The following ZNF438 variants were observed in gnomAD, a reference collection of about 807,000 sequenced individuals.
ZNF438 encodes zinc finger protein 438.
In ZNF438, 25 loss-of-function variants were observed where a neutral mutation model predicts 38.0. The observed-to-expected ratio is 0.66, with a 90% CI of 0.48 to 0.92. The LOEUF (loss-of-function observed/expected upper bound fraction) is 0.92, where lower values mean the gene tolerates loss of function less well. Ranked by LOEUF, ZNF438 falls within the 40% of genes least tolerant of loss-of-function variation. ZNF438 has a pLI of 0.00. For missense variants in ZNF438, 1,007 were observed against 999.6 expected, an observed-to-expected ratio of 1.01 and a Z score of -0.10; for synonymous variants, 372 against 364.1, an observed-to-expected ratio of 1.02 and a Z score of -0.25.
At chr10:30,948,698 C>G (rs1197009477) in intron 1 of ZNF438, among the ~76,000 whole-genome samples, 53 of 151,374 alleles carry the variant, frequency 3.5e-4, no homozygotes, top group South Asian at 3.1e-3. Context: ...GAAGTTTAGA[C>G]AAAAAAGAAT....
chr10:30,853,112 A>G (rs1429713515), intron 4 of ZNF438, among the ~76,000 whole-genome samples: 2 of 152,212 alleles, frequency 1.3e-5, no homozygotes, highest in Non-Finnish European at 2.9e-5. Context: ...ATTAACAGTA[A>G]TAATGTTCTT....
chr10:30,872,390 C>T lies in ZNF438; in HGVS notation c.37+4608G>A, dbSNP rs201418841. Among the ~76,000 whole-genome samples, 51 of 128,956 alleles carry T rather than the reference C, an allele frequency of 4.0e-4. No individual in the cohort carries two copies. In the East Asian group the frequency reaches 0.011, roughly 28 times the overall value. The allele number at this position is 128,956 out of a possible 152,430, so 84.6% of individuals were successfully genotyped here. ...GCAGTGAGCCGAGATTGCACCACTG[C>T]ACTCTAGCCTGGGTGACAGAACAAG... On this transcript the variant is annotated intron_variant, in intron 4 of 5. Transcript: ENST00000413025.
intron 3 of ZNF438, among the ~76,000 whole-genome samples, chr10:30,886,227 A>G (rs1281140165): frequency 6.6e-6 from 1 of 152,252 alleles, no homozygotes; most frequent in African/African-American, 2.4e-5. Context: ...TGAAAATGCC[A>G]CCTTTTTCTT....
At chr10:30,855,991 ATTTG>A (rs1247468209) in intron 4 of ZNF438, among the ~76,000 whole-genome samples, 1 of 152,206 alleles carries the variant, frequency 6.6e-6, no homozygotes, top group Non-Finnish European at 1.5e-5. Flanking sequence ...GCTTAGACAT[ATTTG>A]TTTAATGAAT....
At chr10:30,934,077 C>T (rs966803960) in intron 2 of ZNF438, among the ~76,000 whole-genome samples, 1 of 150,594 alleles carries the variant, frequency 6.6e-6, no homozygotes, top group Non-Finnish European at 1.5e-5. Flanking sequence ...ACCCGGGAGG[C>T]GGAGATTGCA....
intron 3 of ZNF438, among the ~76,000 whole-genome samples, chr10:30,895,689 C>A (rs557831690): frequency 6.6e-6 from 1 of 152,058 alleles, no homozygotes; most frequent in Non-Finnish European, 1.5e-5. Flanking sequence ...TTAAACAGAG[C>A]GAAGCATTTG....
At chr10:30,877,190 A>G (rs542444864) in intron 3 of ZNF438, 125 bp from the exon 5 acceptor site, 10 of 469,404 alleles carry the variant, frequency 2.1e-5, no homozygotes, top group African/African-American at 1.6e-4. Flanking sequence ...GTAATAAGAA[A>G]TGGATTGAGC....
intron 1 of ZNF438, among the ~76,000 whole-genome samples, chr10:31,027,776 C>T (rs1348214377): frequency 2.0e-5 from 3 of 152,044 alleles, no homozygotes; most frequent in Non-Finnish European, 2.9e-5. Flanking sequence ...TCTACATTTA[C>T]GTTAGTAGAG....
intron 1 of ZNF438, among the ~76,000 whole-genome samples, chr10:30,970,103 G>GAC (rs2050573344): frequency 9.9e-6 from 1 of 101,408 alleles, no homozygotes; most frequent in Admixed American, 1.1e-4. Flanking sequence ...AATGCTGGCT[G>GAC]ATACACACAC....
chr10:30,905,981 G>A (rs1330636872), intron 3 of ZNF438, among the ~76,000 whole-genome samples: 1 of 152,128 alleles, frequency 6.6e-6, no homozygotes, highest in East Asian at 1.9e-4. Flanking sequence ...AGTAAGTCTT[G>A]AAATTGAGAA....
exon 5 of ZNF438, chr10:30,850,210 T>C (rs2132764139): frequency 6.2e-7 from 1 of 1,613,976 alleles, no homozygotes; most frequent in South Asian, 1.1e-5. Context: ...TGATGGAGGG[T>C]CCCAGATTCA....
exon 5 of ZNF438, chr10:30,850,130 A>T: frequency 6.2e-7 from 1 of 1,614,062 alleles, no homozygotes; most frequent in Non-Finnish European, 8.5e-7. Flanking sequence ...AACAAGAGAA[A>T]ATGTCCCCTC....
intron 1 of ZNF438, among the ~76,000 whole-genome samples, chr10:30,958,533 A>C (rs1193593485): frequency 6.8e-6 from 1 of 146,848 alleles, no homozygotes; most frequent in East Asian, 1.9e-4. Flanking sequence ...CTACTTTTAT[A>C]ATTTTGATAT....
intron 4 of ZNF438, among the ~76,000 whole-genome samples, chr10:30,872,296 C>T (rs917363119): frequency 1.3e-5 from 2 of 151,592 alleles, no homozygotes; most frequent in South Asian, 2.1e-4. Flanking sequence ...TGTGGTGGTG[C>T]GCTCCTGTAG....
intron 2 of ZNF438, among the ~76,000 whole-genome samples, chr10:30,930,851 T>TAAAAAAAAAA (rs5784228): frequency 1.5e-5 from 2 of 129,184 alleles, no homozygotes; most frequent in African/African-American, 3.0e-5. Flanking sequence ...GGTTCTTTCC[T>TAAAAAAAAAA]AAAACCAGAA....
chr10:30,890,095 AAAAAAAAAG>A lies in ZNF438; in HGVS notation c.-31-13039_-31-13031del, dbSNP rs1301234816. Among the ~76,000 whole-genome samples, 755 of 136,500 alleles carry A rather than the reference AAAAAAAAAG, an allele frequency of 5.5e-3. 4 individuals are homozygous for A. The highest frequency in any genetic ancestry group is 0.019 in the African/African-American group (732 of 39,210). The allele number at this position is 136,500 out of a possible 152,430, so 89.5% of individuals were successfully genotyped here. ...TCTTTGGCATTTCCAAAAAAAAAAA[AAAAAAAAAG>A]AAAAAAAAAGAAATGTACTAGAATA... On this transcript the variant is annotated intron_variant, in intron 3 of 5. Transcript: ENST00000413025.
chr10:31,023,921 G>T (rs921735257), intron 1 of ZNF438, among the ~76,000 whole-genome samples: 42 of 152,220 alleles, frequency 2.8e-4, no homozygotes, highest in Non-Finnish European at 7.4e-5. Flanking sequence ...ACATAAAAAC[G>T]TCTCTGCCTG....
At position 30,948,974 on chromosome 10, in the gene ZNF438, G is replaced by GA. The variant is rs1341291682; in HGVS notation, c.-191-7324dup. On this transcript the variant is annotated intron_variant, in intron 1 of 5. Transcript: ENST00000413025. ...CAGATTCACCAGAGTTGAAATGAAG[G>GA]AAAAAATGTTAACGGCAGCCAGAGA... 3.9e-5 allele frequency among the ~76,000 whole-genome samples: 6 copies of GA among 152,214 alleles called. No homozygotes were observed. In the East Asian group the frequency reaches 7.7e-4, roughly 20 times the overall value.
At chr10:30,852,166 CA>C (rs1187473076) in intron 4 of ZNF438, among the ~76,000 whole-genome samples, 5 of 140,022 alleles carry the variant, frequency 3.6e-5, no homozygotes, top group Non-Finnish European at 3.1e-5. Context: ...GACTCCGTCT[CA>C]AAAAAAAAAG....
Sources: gnomAD v4.1 joint callset for allele counts (sites outside exome capture counted in the v4.1 genomes callset) on GRCh38, gnomAD v4.1.1 for gene constraint, MANE v1.5 for transcripts, NCBI Gene and HGNC (gene_info 2026-07-23, HGNC 2026-07-21) for gene names.